Variants in MACROD2 observed in about 807,000 individuals in gnomAD.
MACROD2 encodes the protein ADP-ribose glycohydrolase MACROD2.
MACROD2 carries 36 observed loss-of-function variants against 70.4 expected under a neutral mutation model. The ratio of observed to expected loss-of-function variants is 0.51; its 90% CI spans 0.39 to 0.68. MACROD2 has a LOEUF of 0.68. Among genes scored for constraint, MACROD2 ranks in the 30% least tolerant of loss-of-function variants. MACROD2 has a pLI of 0.00. For missense variants in MACROD2, 496 were observed against 538.4 expected (o/e 0.92, Z 0.78); for synonymous variants, 172 against 178.8 (o/e 0.96, Z 0.30).
At chr20:15,920,803 T>C (rs375362827) in intron 10 of MACROD2, among the ~76,000 whole-genome samples, 1 of 152,192 alleles carries the variant, frequency 6.6e-6, no homozygotes, top group Admixed American at 6.5e-5. Flanking sequence ...ACCTAAAAAA[T>C]AGAATATTCA....
intron 5 of MACROD2, among the ~76,000 whole-genome samples, chr20:14,889,052 C>T (rs2073717622): frequency 6.6e-6 from 1 of 152,146 alleles, no homozygotes; most frequent in Non-Finnish European, 1.5e-5. Flanking sequence ...GGTGGCTTTA[C>T]ATCATCTTAT....
chr20:15,259,180 T>C (rs1410956159), intron 6 of MACROD2, among the ~76,000 whole-genome samples: 1 of 126,106 alleles, frequency 7.9e-6, no homozygotes, highest in African/African-American at 3.6e-5. Flanking sequence ...TGGGTAATTT[T>C]TTAACAACAA....
intron 8 of MACROD2, among the ~76,000 whole-genome samples, chr20:15,503,845 A>G (rs976930567): frequency 8.6e-5 from 13 of 152,022 alleles, no homozygotes; most frequent in Non-Finnish European, 5.9e-5. Context: ...TTCCCCCAAA[A>G]TTTTCCTTTA....
intron 3 of MACROD2, among the ~76,000 whole-genome samples, chr20:14,252,117 C>T (rs953093637): frequency 2.0e-5 from 3 of 151,914 alleles, no homozygotes; most frequent in Admixed American, 6.6e-5. Flanking sequence ...GTAACTGTTT[C>T]TATAAAGATG....
chr20:14,588,163 A>G (rs1568685604), intron 4 of MACROD2, among the ~76,000 whole-genome samples: 1 of 152,122 alleles, frequency 6.6e-6, no homozygotes, highest in Non-Finnish European at 1.5e-5. Context: ...TCTTCCTAGG[A>G]GTAAATCTTT....
chr20:14,777,281 A>G (rs1008539911), intron 5 of MACROD2, among the ~76,000 whole-genome samples: 1 of 151,998 alleles, frequency 6.6e-6, no homozygotes, highest in African/African-American at 2.4e-5. Context: ...TTCAATGATT[A>G]TTGTGTGTTA....
chr20:15,027,142 C>T (rs1272189540), intron 5 of MACROD2, among the ~76,000 whole-genome samples: 1 of 152,102 alleles, frequency 6.6e-6, no homozygotes, highest in African/African-American at 2.4e-5. Flanking sequence ...GGAACACAGA[C>T]ACATTCAGGA....
At chr20:15,756,653 C>G (rs1401315072) in intron 8 of MACROD2, among the ~76,000 whole-genome samples, 1 of 152,048 alleles carries the variant, frequency 6.6e-6, no homozygotes, top group Non-Finnish European at 1.5e-5. Context: ...TTTGAATAAC[C>G]AACAACACCT....
chr20:15,599,496 T>G (rs1207093994), intron 8 of MACROD2, among the ~76,000 whole-genome samples: 2 of 152,170 alleles, frequency 1.3e-5, no homozygotes, highest in Non-Finnish European at 2.9e-5. Context: ...TAACTGTTCT[T>G]GAGTAACTTT....
chr20:15,149,455 T>C (rs568011467), intron 5 of MACROD2, among the ~76,000 whole-genome samples: 45 of 147,690 alleles, frequency 3.0e-4, no homozygotes, highest in African/African-American at 9.1e-4. Flanking sequence ...GATGCAGTCA[T>C]AGGGGTCAGG....
At chr20:14,058,428 A>T (rs762052927) in intron 2 of MACROD2, among the ~76,000 whole-genome samples, 12 of 106,016 alleles carry the variant, frequency 1.1e-4, no homozygotes, top group Non-Finnish European at 1.5e-4. Flanking sequence ...GGCAGGGTAC[A>T]TTTAGAAAAA....
chr20:14,027,921 C>T (rs531628809), intron 2 of MACROD2, among the ~76,000 whole-genome samples: 7 of 152,306 alleles, frequency 4.6e-5, no homozygotes, highest in South Asian at 4.1e-4. Flanking sequence ...CAGTCTGTCC[C>T]TTAGCAGAGT....
intron 3 of MACROD2, among the ~76,000 whole-genome samples, chr20:14,206,394 G>A (rs2081523247): frequency 6.6e-6 from 1 of 152,164 alleles, no homozygotes; most frequent in Non-Finnish European, 1.5e-5. Context: ...GTACCTTAAA[G>A]TTTGAAGACC....
rs894298835 is a variant in MACROD2, at chr20:15,711,145, C to T, written c.646-151600C>T. 3.9e-5 allele frequency among the ~76,000 whole-genome samples: 6 copies of T among 152,122 alleles called. 1 individual carries two copies. The highest frequency in any genetic ancestry group is 4.8e-5 in the African/African-American group (2 of 41,430). Reference sequence around the variant, plus strand: ...GTGAAGGGTGTTGAAGACAGGTAATCGGTAAATAGGCTTTCAAGGGAGAAT... The same window carrying T: ...GTGAAGGGTGTTGAAGACAGGTAATTGGTAAATAGGCTTTCAAGGGAGAAT... On this transcript the variant is annotated intron_variant, in intron 8 of 17. Coordinates refer to ENST00000684519, the MANE Select transcript of MACROD2 (RefSeq NM_001351661.2).
chr20:15,111,016 C>A (rs561225563), intron 5 of MACROD2, among the ~76,000 whole-genome samples: 19 of 152,248 alleles, frequency 1.2e-4, no homozygotes, highest in African/African-American at 2.4e-5. Flanking sequence ...TCATTTTACC[C>A]ATTTTTGAGA....
chr20:14,619,484 GAA>G (rs1983697977), intron 4 of MACROD2, among the ~76,000 whole-genome samples: 12 of 108,750 alleles, frequency 1.1e-4, no homozygotes, highest in Non-Finnish European at 1.7e-4. Context: ...GGAAAGGAAG[GAA>G]GGAGGGAGGG....
intron 3 of MACROD2, among the ~76,000 whole-genome samples, chr20:14,392,772 T>C (rs375858810): frequency 2.7e-4 from 41 of 152,294 alleles, no homozygotes; most frequent in African/African-American, 9.6e-4. Flanking sequence ...TGGCTCCCAA[T>C]GGAGTCCCAC....
intron 8 of MACROD2, among the ~76,000 whole-genome samples, chr20:15,845,977 G>A (rs2147138744): frequency 6.6e-6 from 1 of 152,222 alleles, no homozygotes; most frequent in Middle Eastern, 3.4e-3. Flanking sequence ...TAAGCCATGT[G>A]GCCTGTCTAA....
rs373746662 is a variant in MACROD2, at chr20:15,495,463, G to A, written c.572-4311G>A. On this transcript the variant is annotated intron_variant, in intron 7 of 17. Coordinates refer to ENST00000684519, the MANE Select transcript of MACROD2 (RefSeq NM_001351661.2). The stretch of plus-strand genomic sequence containing the variant: ...CATAAATCTCTATATTTTTCCCCAG[G>A]GATGAAAAGGGATATTCTGAATATA... Among the ~76,000 whole-genome samples the A allele has an allele frequency of 3.9e-5, 6 of 152,198 alleles. No individual in the cohort carries two copies. In the East Asian group the frequency reaches 5.8e-4, roughly 15 times the overall value.
Sources: gnomAD v4.1 joint callset for allele counts (sites outside exome capture counted in the v4.1 genomes callset) on GRCh38, gnomAD v4.1.1 for gene constraint, MANE v1.5 for transcripts, NCBI Gene and HGNC (gene_info 2026-07-23, HGNC 2026-07-21) for gene names.